Variants in COL20A1 observed in about 807,000 individuals in gnomAD.
COL20A1 encodes collagen alpha-1(XX) chain.
In COL20A1, 164 loss-of-function variants were observed where a neutral mutation model predicts 152.9. The observed-to-expected ratio is 1.07, with a 90% CI of 0.94 to 1.22. The LOEUF is 1.22. Among genes scored for constraint, COL20A1 ranks in the 50% most tolerant of loss-of-function variants. The pLI is 0.00. For synonymous variants in COL20A1, 864 were observed against 756.0 expected (o/e 1.14, Z -2.34); for missense variants, 1,873 against 1,744.8 (o/e 1.07, Z -1.31).
chr20:63,314,607 T>C (rs1438210278), intron 19 of COL20A1, among the ~76,000 whole-genome samples: 1 of 152,020 alleles, frequency 6.6e-6, no homozygotes, highest in Non-Finnish European at 1.5e-5. Context: ...GGGGACGGGG[T>C]CCTCACTGCC....
At chr20:63,293,491 G>T (rs2067741980) in intron 1 of COL20A1, among the ~76,000 whole-genome samples, 1 of 152,176 alleles carries the variant, frequency 6.6e-6, no homozygotes, top group Non-Finnish European at 1.5e-5. Flanking sequence ...TCTCACCAAG[G>T]GCTCCCTTCT....
chr20:63,324,283 G>T (rs948365684), intron 27 of COL20A1: 1 of 152,140 alleles, frequency 6.6e-6, no homozygotes, highest in Non-Finnish European at 1.5e-5. Context: ...CTTCACCTTC[G>T]GCTTTTCAGT....
In COL20A1 at chr20:63,311,731, G is replaced by A. The variant is rs749572270; in HGVS notation, c.1646G>A (p.Gly549Asp). 2 of 1,594,976 alleles carry A rather than the reference G, an allele frequency of 1.3e-6. No homozygotes were observed. The highest frequency in any genetic ancestry group is 1.3e-5 in the African/African-American group (1 of 74,676). ...LRGPEGSEAR[G>D]IRARTPTLAP... ...GGCCCTGAGGGCAGCGAGGCCCGGG[G>A]CATCCGTGCCAGGACCCGTGAGTGC... Residue 549 changes from glycine (G) to aspartate (D), a missense_variant, in exon 13 of 36, where the codon GGC (glycine) becomes GAC (aspartate). Gly to Asp is a moderately conservative substitution (Grantham distance 94). Coordinates refer to ENST00000358894, the MANE Select transcript of COL20A1 (RefSeq NM_020882.4). The surrounding 1 kb of genome is among the most constrained non-coding windows in gnomAD (Gnocchi z 4.4).
rs554844952 is a variant in COL20A1 at position 63,326,836 on chromosome 20, C to T, written c.3528+13C>T. 1.2e-3 allele frequency: 1,805 copies of T among 1,486,718 alleles called. 34 individuals are homozygous for T. The South Asian group carries it at 0.023, about 19-fold the overall frequency. 92.1% of individuals were successfully genotyped at this position (1,486,718 alleles called of 1,614,324 possible). On this transcript the variant is annotated intron_variant, in intron 31 of 35. Coordinates refer to ENST00000358894, the MANE Select transcript of COL20A1 (RefSeq NM_020882.4). ...CGTGGGGCCCACAGTAAGTGCATTTCCAACACCCACCAGCCAACCAAAGGT... is the reference window on the plus strand; with the variant it reads ...CGTGGGGCCCACAGTAAGTGCATTTTCAACACCCACCAGCCAACCAAAGGT...
chr20:63,333,384 G>A lies in COL20A1; in HGVS notation c.*2668G>A, dbSNP rs953215646. 1.3e-5 allele frequency: 2 copies of A among 152,422 alleles called. No individual in the cohort carries two copies. The highest frequency in any genetic ancestry group is 6.5e-5 in the Admixed American group (1 of 15,294). 9.4% of individuals were successfully genotyped at this position (152,422 alleles called of 1,614,324 possible). A position where few individuals can be genotyped will look rare whatever the true frequency, so the allele number is the denominator to read the frequency against. ...CAGCTCAGGCCGCTGGGGTCATGGG[G>A]GTTGTGGGAAGGTCATGGAATCACG... On this transcript the variant is annotated 3_prime_UTR_variant, in exon 36 of 36. Coordinates refer to ENST00000358894, the MANE Select transcript of COL20A1 (RefSeq NM_020882.4).
Position 63,310,530 on chromosome 20 carries a change from C to A in COL20A1, c.1393+20C>A. 6.4e-7 allele frequency: 1 copy of A among 1,566,300 alleles called. No homozygotes were observed. The highest frequency in any genetic ancestry group is 8.7e-7 in the Non-Finnish European group (1 of 1,154,720). On this transcript the variant is annotated intron_variant, in intron 11 of 35. Transcript: ENST00000358894. ...CCACAGGTAGGTGGGGCAGAGGCAG[C>A]GGCCAGGTTCTGGGTGGGAGGCCCC...
At chr20:63,297,210 C>T (rs2067805481) in intron 2 of COL20A1, among the ~76,000 whole-genome samples, 1 of 152,242 alleles carries the variant, frequency 6.6e-6, no homozygotes, top group South Asian at 2.1e-4. Flanking sequence ...TCTGCAGCTG[C>T]ATGGCCACTT....
rs1384251994 is a variant in COL20A1, at chr20:63,319,075, C to T, written c.2681C>T (p.Pro894Leu). ...CCCCACAGTGACGTCTACCCAGCCC[C>T]CCTACCTCCAGAGCACACCATCGTC... ...TRRVSDVYPA[P>L]LPPEHTIVFL... The change falls in exon 22 of 36, where the codon CCC (proline) becomes CTC (leucine). Residue 894 changes from proline (P) to leucine (L), a missense_variant. Coordinates refer to ENST00000358894, the MANE Select transcript of COL20A1 (RefSeq NM_020882.4). The surrounding 1 kb of genome is among the most constrained non-coding windows in gnomAD (Gnocchi z 4.4). The T allele has an allele frequency of 6.2e-7, 1 of 1,612,688 alleles. No individual in the cohort carries two copies. Among genetic ancestry groups the T allele is most frequent in the Non-Finnish European group, 8.5e-7 (1 of 1,179,116 alleles).
chr20:63,312,403 C>T lies in COL20A1; in HGVS notation c.1804-17C>T, dbSNP rs1342010521. ...GCACCAGCTGGGCCTGCCATGTCGC[C>T]CTCCCACCTGCTGCAGACAGAGGCT... On this transcript the variant is annotated splice_polypyrimidine_tract_variant and intron_variant, in intron 14 of 35. Transcript: ENST00000358894. 1 of 1,555,850 alleles carries T rather than the reference C, an allele frequency of 6.4e-7. No homozygotes were observed. Among genetic ancestry groups the T allele is most frequent in the Non-Finnish European group, 8.6e-7 (1 of 1,156,446 alleles).
At chr20:63,316,832 G>A (rs1411369128) in intron 21 of COL20A1, 141 bp downstream of exon 21, 4 of 723,792 alleles carry the variant, frequency 5.5e-6, no homozygotes, top group Non-Finnish European at 6.2e-6. Flanking sequence ...GTCAGCAAAC[G>A]GCTGACTCAC....
chr20:63,319,188 GT>G lies in COL20A1; in HGVS notation c.2796del (p.Leu933CysfsTer9). 6.2e-7 allele frequency: 1 copy of G among 1,612,536 alleles called. No homozygotes were observed. Among genetic ancestry groups the G allele is most frequent in the Non-Finnish European group, 8.5e-7 (1 of 1,179,606 alleles). Reference protein sequence around the residue: ...TAEDFQPLLGVLLDAGKKSLT... With the variant: ...TAEDFQPLLGXLLDAGKKSLT... ...CGAGGACTTCCAGCCCCTCCTTGGG[GT>G]TCTGCTGGATGGTGACGTGGGCCCC... On this transcript the variant is annotated frameshift_variant, in exon 22 of 36. Transcript: ENST00000358894. LOFTEE classifies it high-confidence loss of function. The surrounding 1 kb of genome is among the most constrained non-coding windows in gnomAD (Gnocchi z 4.4).
chr20:63,312,065 G>A lies in COL20A1; in HGVS notation c.1803+10G>A, dbSNP rs527883608. 1.9e-4 allele frequency: 287 copies of A among 1,549,494 alleles called. 3 individuals carry two copies. The South Asian group carries it at 3.2e-3, about 18-fold the overall frequency. ...TGGACACTCGGGGCAGGTGAGAGCAGAGCCCTCCGGGGGCCCGAGTGTCTT... is the reference window on the plus strand; with the variant it reads ...TGGACACTCGGGGCAGGTGAGAGCAAAGCCCTCCGGGGGCCCGAGTGTCTT... On this transcript the variant is annotated intron_variant, in intron 14 of 35. Transcript: ENST00000358894.
chr20:63,328,522 G>A, intron 34 of COL20A1, 24 bp downstream of exon 34: 28 of 1,593,760 alleles, frequency 1.8e-5, no homozygotes, highest in Non-Finnish European at 2.3e-5. Context: ...GGCTCTTGGG[G>A]AGGGAGTTGT....
In COL20A1 at chr20:63,308,073, G is replaced by A. The variant is rs373562137; in HGVS notation, c.758G>A (p.Gly253Glu). 29 of 1,612,352 alleles carry A rather than the reference G, an allele frequency of 1.8e-5. No individual in the cohort carries two copies. The highest frequency in any genetic ancestry group is 6.6e-5 in the South Asian group (6 of 91,090). ...LAAVRRLRYK[G>E]GNTFTGLALT... ...GCTGTGCGCCGCCTCCGCTACAAGG[G>A]GGGGAACACGTTCACAGGTACGGCC... The change falls in exon 7 of 36, where the codon GGG (glycine) becomes GAG (glutamate). Residue 253 changes from glycine to glutamate, a missense_variant. Transcript: ENST00000358894.
intron 16 of COL20A1, 32 bp downstream of exon 16, chr20:63,312,966 G>T: frequency 6.5e-7 from 1 of 1,529,100 alleles, no homozygotes; most frequent in South Asian, 1.2e-5. Context: ...CTTCCGAGGG[G>T]CCCCCCGTGG....
At chr20:63,314,294 C>A in intron 19 of COL20A1, 93 bp downstream of exon 19, 1 of 1,150,234 alleles carries the variant, frequency 8.7e-7, no homozygotes, top group Non-Finnish European at 1.3e-6. Context: ...CATCCAACCC[C>A]AGACCCAGCC....
chr20:63,319,438 C>A lies in COL20A1; in HGVS notation c.2807-49C>A. On this transcript the variant is annotated intron_variant, in intron 22 of 35. Transcript: ENST00000358894. The surrounding 1 kb of genome is among the most constrained non-coding windows in gnomAD (Gnocchi z 4.4). ...GGGGCCGCCCTGCTCAAGGTATAGG[C>A]CCGGCTGGTTGCAGCCCGTTCTCAC... 2 of 1,407,150 alleles carry A rather than the reference C, an allele frequency of 1.4e-6. No individual in the cohort carries two copies. Among genetic ancestry groups the A allele is most frequent in the Non-Finnish European group, 2.0e-6 (2 of 1,020,070 alleles). The allele number at this position is 1,407,150 out of a possible 1,614,324, so 87.2% of individuals were successfully genotyped here. A position where few individuals can be genotyped will look rare whatever the true frequency, so the allele number is the denominator to read the frequency against.
chr20:63,316,140 G>A (rs1030317596), intron 20 of COL20A1, among the ~76,000 whole-genome samples: 3 of 152,028 alleles, frequency 2.0e-5, no homozygotes, highest in East Asian at 1.9e-4. Flanking sequence ...GAGGGAAAAC[G>A]ACCCTGGGCG....
rs537708708 is a variant in COL20A1, at chr20:63,309,403, C to A, written c.1011C>A (p.Ser337Arg). The A allele has an allele frequency of 2.6e-6, 4 of 1,555,482 alleles. No individual in the cohort carries two copies. The highest frequency in any genetic ancestry group is 2.7e-5 in the African/African-American group (2 of 73,356). The change falls in exon 9 of 36, where the codon AGC (serine) becomes AGA (arginine). Residue 337 changes from serine to arginine, a missense_variant. Coordinates refer to ENST00000358894, the MANE Select transcript of COL20A1 (RefSeq NM_020882.4). Reference sequence around the variant, plus strand: ...CGCCGAGGGACATCACCGTCCACAGCGTGCTGGACTTCCTGCAGCTCGGCG... The same window carrying A: ...CGCCGAGGGACATCACCGTCCACAGAGTGCTGGACTTCCTGCAGCTCGGCG... ...ASPPRDITVH[S>R]VLDFLQLGAL...
Sources: gnomAD v4.1 joint callset for allele counts (sites outside exome capture counted in the v4.1 genomes callset) on GRCh38, gnomAD v4.1.1 for gene constraint, Gnocchi (gnomAD v3.1) non-coding constraint, MANE v1.5 for transcripts, NCBI Gene and HGNC (gene_info 2026-07-23, HGNC 2026-07-21) for gene names.